The following PRKAR1B variants were observed in gnomAD, a reference collection of about 807,000 sequenced individuals.
PRKAR1B encodes protein kinase cAMP-dependent type I regulatory subunit beta, also known as cAMP-dependent protein kinase type I-beta regulatory subunit.
Under a neutral mutation model 46.5 loss-of-function variants are expected in PRKAR1B, and 22 were observed. The observed-to-expected ratio is 0.47, with a 90% CI of 0.34 to 0.68. The LOEUF (loss-of-function observed/expected upper bound fraction) is 0.68. Ranked by LOEUF, PRKAR1B falls within the 30% of genes least tolerant of loss-of-function variation. PRKAR1B has a pLI of 0.01. For synonymous variants in PRKAR1B, 259 were observed against 217.7 expected (o/e 1.19, Z -1.67); for missense variants, 445 against 535.6 (o/e 0.83, Z 1.67).
At chr7:621,947 T>C (rs1393530048) in intron 4 of PRKAR1B, among the ~76,000 whole-genome samples, 7 of 152,206 alleles carry the variant, frequency 4.6e-5, no homozygotes, top group African/African-American at 1.7e-4. Flanking sequence ...CCAGTGCTGC[T>C]AGAAGGGTCA....
Position 550,436 on chromosome 7 carries a change from G to A in PRKAR1B, c.1140C>T (p.Thr380=), listed in dbSNP as rs145672737. The part of the protein sequence containing the change: ...IQRYNSFISL[T]V Reference sequence around the variant, plus strand: ...TGCAGGGCGGGAGCTGTGCTCAGACGGTGAGGGAGATGAAGCTGTTGTAAC... The same window carrying A: ...TGCAGGGCGGGAGCTGTGCTCAGACAGTGAGGGAGATGAAGCTGTTGTAAC... The change falls in exon 11 of 11, where the codon ACC becomes ACT. Residue 380 remains threonine, a synonymous_variant. Transcript: ENST00000537384. 74 of 1,588,886 alleles carry A rather than the reference G, an allele frequency of 4.7e-5. No homozygotes were observed. The highest frequency in any genetic ancestry group is 1.2e-4 in the East Asian group (5 of 43,420).
chr7:723,284 G>A (rs1274875572), intron 1 of PRKAR1B, among the ~76,000 whole-genome samples: 2 of 152,220 alleles, frequency 1.3e-5, no homozygotes, highest in Non-Finnish European at 2.9e-5. Flanking sequence ...CTACCCTCTA[G>A]GTCTCTGTTG....
At chr7:638,786 T>A (rs1039821419) in intron 4 of PRKAR1B, among the ~76,000 whole-genome samples, 4 of 152,280 alleles carry the variant, frequency 2.6e-5, no homozygotes, top group African/African-American at 9.6e-5. Flanking sequence ...GACCCTAAAA[T>A]TCACATGCGG....
chr7:555,624 C>T (rs1379505775), intron 9 of PRKAR1B, among the ~76,000 whole-genome samples: 2 of 152,206 alleles, frequency 1.3e-5, no homozygotes, highest in Non-Finnish European at 2.9e-5. Flanking sequence ...TGGGCAGCTG[C>T]TGCACCCCAG....
At chr7:577,020 A>G (rs1448875016) in intron 9 of PRKAR1B, among the ~76,000 whole-genome samples, 3 of 133,946 alleles carry the variant, frequency 2.2e-5, no homozygotes, top group Middle Eastern at 4.0e-3. Context: ...CAGTCGCCTC[A>G]CCCAACGCCA....
At chr7:650,138 A>T (rs1347764414) in intron 4 of PRKAR1B, among the ~76,000 whole-genome samples, 1 of 152,076 alleles carries the variant, frequency 6.6e-6, no homozygotes, top group Non-Finnish European at 1.5e-5. Context: ...TGTTTATAAG[A>T]AGCATCTGGC....
chr7:582,437 G>A (rs1490774367), intron 8 of PRKAR1B, among the ~76,000 whole-genome samples: 2 of 152,266 alleles, frequency 1.3e-5, no homozygotes, highest in South Asian at 2.1e-4. Flanking sequence ...ACTTTTTGGA[G>A]GACTTTGTGC....
At chr7:675,347 A>G (rs548871431) in intron 4 of PRKAR1B, among the ~76,000 whole-genome samples, 232 of 152,248 alleles carry the variant, frequency 1.5e-3, no homozygotes, top group Non-Finnish European at 2.9e-3. Flanking sequence ...ACACGCCTGC[A>G]AACACACAGG....
chr7:584,106 G>C (rs1780463756), intron 8 of PRKAR1B, among the ~76,000 whole-genome samples: 1 of 152,164 alleles, frequency 6.6e-6, no homozygotes, highest in Non-Finnish European at 1.5e-5. Context: ...AAGGGAACTA[G>C]CACAGGTCAG....
intron 6 of PRKAR1B, among the ~76,000 whole-genome samples, chr7:601,447 A>G (rs1781589322): frequency 6.6e-6 from 1 of 152,124 alleles, no homozygotes; most frequent in Non-Finnish European, 1.5e-5. Context: ...TATGCCCATA[A>G]CTCACCCGGG....
At chr7:653,805 T>C (rs1356390533) in intron 4 of PRKAR1B, among the ~76,000 whole-genome samples, 1 of 152,200 alleles carries the variant, frequency 6.6e-6, no homozygotes, top group Non-Finnish European at 1.5e-5. Context: ...GTGTTATAAC[T>C]AGTGCTCATC....
Position 550,506 on chromosome 7 carries a change from C to T in PRKAR1B, c.1070G>A (p.Arg357His), listed in dbSNP as rs376573570. The change falls in exon 11 of 11, where the codon CGT becomes CAT. Residue 357 changes from arginine (R) to histidine (H), a missense_variant. Arg to His is a conservative substitution (Grantham distance 29, BLOSUM62 0). Transcript: ENST00000537384. Reference protein sequence around the residue: ...CVKLDRPRFERVLGPCSEILK... With the variant: ...CVKLDRPRFEHVLGPCSEILK... The stretch of plus-strand genomic sequence containing the variant: ...GATCTCAGAGCAGGGCCCCAGCACA[C>T]GCTCGAAGCGGGGCCGGTCCAGCTT... 4.4e-6 allele frequency: 7 copies of T among 1,601,060 alleles called. No homozygotes were observed. The highest frequency in any genetic ancestry group is 6.0e-6 in the Non-Finnish European group (7 of 1,174,444).
At chr7:626,625 G>A (rs996677531) in intron 4 of PRKAR1B, among the ~76,000 whole-genome samples, 2 of 151,538 alleles carry the variant, frequency 1.3e-5, no homozygotes, top group Non-Finnish European at 2.9e-5. Context: ...AGAAGCAGAT[G>A]AAACACTTCC....
At position 596,201 on chromosome 7, in the gene PRKAR1B, T is replaced by C; in HGVS notation, c.653A>G (p.Lys218Arg). 1.2e-6 allele frequency: 2 copies of C among 1,614,026 alleles called. No individual in the cohort carries two copies. The highest frequency in any genetic ancestry group is 1.7e-6 in the Non-Finnish European group (2 of 1,179,986). ...GTPRAATVKA[K>R]TDLKLWGIDR... The stretch of plus-strand genomic sequence containing the variant: ...GATCCCCCAGAGCTTGAGGTCCGTC[T>C]TGGCTTTCACGGTCGCAGCCCTGGG... Residue 218 changes from lysine (K) to arginine (R), a missense_variant, in exon 7 of 11, where the codon AAG becomes AGG. Lys to Arg is a conservative substitution (Grantham distance 26). Around this residue, in one of 5 missense-constraint regions of PRKAR1B, gnomAD observed 18 missense variants for 58.1 expected, o/e 0.31. Coordinates refer to ENST00000537384, the MANE Select transcript of PRKAR1B (RefSeq NM_001164760.2).
At position 606,195 on chromosome 7, in the gene PRKAR1B, C is replaced by A. The variant is rs761625232; in HGVS notation, c.547G>T (p.Asp183Tyr). 3.7e-6 allele frequency: 6 copies of A among 1,613,834 alleles called. No individual in the cohort carries two copies. In the African/African-American group the frequency reaches 8.0e-5, roughly 22 times the overall value. Reference sequence around the variant, plus strand: ...AAAGACAAGTTAGCGACACTCACATCCACTTCCCCTTGATCAACGACATAG... The same window carrying A: ...AAAGACAAGTTAGCGACACTCACATACACTTCCCCTTGATCAACGACATAG... ...NFYVVDQGEV[D>Y]VYVNGEWVTN... Residue 183 changes from aspartate (D) to tyrosine (Y), a missense_variant and splice_region_variant, in exon 6 of 11, where the codon GAT becomes TAT. Asp to Tyr is a radical substitution (Grantham distance 160). Transcript: ENST00000537384.
At chr7:622,560 T>C (rs1288264597) in intron 4 of PRKAR1B, among the ~76,000 whole-genome samples, 3 of 152,116 alleles carry the variant, frequency 2.0e-5, no homozygotes, top group Non-Finnish European at 4.4e-5. Context: ...TTTTCAACTC[T>C]CTATTTTGAA....
At chr7:587,643 C>T (rs548486354) in intron 7 of PRKAR1B, among the ~76,000 whole-genome samples, 12 of 152,380 alleles carry the variant, frequency 7.9e-5, no homozygotes, top group Admixed American at 2.6e-4. Context: ...CCACACAGCC[C>T]CTTCCACAGT....
chr7:558,328 GAA>G (rs997641029), intron 9 of PRKAR1B, among the ~76,000 whole-genome samples: 1 of 70,212 alleles, frequency 1.4e-5, no homozygotes, highest in African/African-American at 5.6e-5. Flanking sequence ...CCTGTCTCAG[GAA>G]AAAAAAAAAA....
chr7:709,427 G>A (rs1410797562), intron 2 of PRKAR1B, among the ~76,000 whole-genome samples: 1 of 144,972 alleles, frequency 6.9e-6, no homozygotes, highest in East Asian at 2.0e-4. Flanking sequence ...CTAGAGTGCA[G>A]TGGCGCCATC....
Sources: allele counts gnomAD v4.1 joint callset (sites outside exome capture counted in the v4.1 genomes callset), GRCh38; gene constraint gnomAD v4.1.1; regional missense constraint gnomAD v4.1.1; transcripts MANE v1.5; gene names NCBI Gene and HGNC (gene_info 2026-07-23, HGNC 2026-07-21).